Variants in MUC17 observed in about 807,000 individuals in gnomAD.
MUC17 encodes the protein mucin-17.
MUC17 carries 190 observed loss-of-function variants against 170.3 expected under a neutral mutation model. That is an observed-to-expected ratio of 1.12 (90% CI 0.99 to 1.26). The LOEUF is 1.26. Among genes scored for constraint, MUC17 ranks in the 50% most tolerant of loss-of-function variants. The pLI is 0.00. For missense variants in MUC17, 6,415 were observed against 5,530.0 expected (o/e 1.16, Z -5.08); for synonymous variants, 2,325 against 2,002.5 (o/e 1.16, Z -4.30).
At position 101,057,835 on chromosome 7, in the gene MUC17, G is replaced by A. The variant is rs1045564433; in HGVS notation, c.13441-168G>A. 1.5e-4 allele frequency among the ~76,000 whole-genome samples: 23 copies of A among 152,258 alleles called. No individual in the cohort carries two copies. In the East Asian group the frequency reaches 1.5e-3, roughly 10 times the overall value. On this transcript the variant is annotated intron_variant, in intron 12 of 12. Transcript: ENST00000306151. ...TTACAGGCCATGGTGAGCCGTGATT[G>A]TGCCACTGCACTCCAGCCTGGATGG... is the stretch of plus-strand genomic sequence containing the variant.
chr7:101,053,248 G>A (rs1418395153), intron 10 of MUC17, 91 bp from the exon 11 acceptor site: 4 of 1,581,482 alleles, frequency 2.5e-6, no homozygotes, highest in Admixed American at 1.7e-5. Context: ...GTGGGCAGCG[G>A]GGGCAGCTAA....
At chr7:101,027,008 GC>G (rs1794192571) in intron 1 of MUC17, among the ~76,000 whole-genome samples, 1 of 152,008 alleles carries the variant, frequency 6.6e-6, no homozygotes, top group African/African-American at 2.4e-5. Context: ...GAGCCATCAT[GC>G]CTGGCCTATT....
At chr7:101,052,269 C>T (rs1001253824) in intron 9 of MUC17, among the ~76,000 whole-genome samples, 2 of 152,134 alleles carry the variant, frequency 1.3e-5, no homozygotes, top group Non-Finnish European at 2.9e-5. Context: ...TGCTCTCTCT[C>T]CAGAGAGAGA....
chr7:101,039,727 G>T lies in MUC17; in HGVS notation c.8311G>T (p.Val2771Phe). The T allele has an allele frequency of 6.4e-7, 1 of 1,560,332 alleles. No individual in the cohort carries two copies. ...AGTGGCCAGTTCTGAGGCTAGCACCGTTTCAACAACTGCTGTTGACACCAG... is the reference window on the plus strand; with the variant it reads ...AGTGGCCAGTTCTGAGGCTAGCACCTTTTCAACAACTGCTGTTGACACCAG... ...LPVASSEAST[V>F]STTAVDTSIP... The change falls in exon 3 of 13, where the codon GTT becomes TTT. Residue 2771 changes from valine (V) to phenylalanine (F), a missense_variant. Transcript: ENST00000306151.
At chr7:101,054,084 A>G (rs1179181783) in intron 11 of MUC17, among the ~76,000 whole-genome samples, 2 of 143,278 alleles carry the variant, frequency 1.4e-5, no homozygotes, top group Non-Finnish European at 3.0e-5. Context: ...AAAAAAAAAA[A>G]AAAAAAAAGA....
At chr7:101,052,094 C>A in intron 9 of MUC17, 132 bp downstream of exon 9, 1 of 1,092,246 alleles carries the variant, frequency 9.2e-7, no homozygotes, top group Non-Finnish European at 1.3e-6. Flanking sequence ...TGAATGTGTC[C>A]AGCTGCAGAG....
At chr7:101,025,416 A>G (rs1234390645) in intron 1 of MUC17, among the ~76,000 whole-genome samples, 3 of 151,548 alleles carry the variant, frequency 2.0e-5, no homozygotes, top group Non-Finnish European at 4.4e-5. Context: ...TAATCCCAGC[A>G]CTTTGGGAGG....
chr7:101,043,367 C>G lies in MUC17; in HGVS notation c.11951C>G (p.Ser3984Cys). 5.0e-6 allele frequency: 8 copies of G among 1,614,212 alleles called. No homozygotes were observed. The highest frequency in any genetic ancestry group is 6.8e-6 in the Non-Finnish European group (8 of 1,180,048). Reference protein sequence around the residue: ...PSTSSSSTTTSFSTTKEFTTP... With the variant: ...PSTSSSSTTTCFSTTKEFTTP... ...ACCTCCAGTAGTAGTACCACCACAT[C>G]TTTTTCAACTACTAAGGAATTTACA... is the stretch of plus-strand genomic sequence containing the variant. Residue 3984 changes from serine to cysteine, a missense_variant, in exon 3 of 13, where the codon TCT (serine) becomes TGT (cysteine). Transcript: ENST00000306151.
intron 1 of MUC17, among the ~76,000 whole-genome samples, chr7:101,029,443 C>T (rs1794238738): frequency 6.6e-6 from 1 of 152,072 alleles, no homozygotes; most frequent in African/African-American, 2.4e-5. Context: ...TGTCTGTGTC[C>T]ATTCTGGGTA....
intron 12 of MUC17, among the ~76,000 whole-genome samples, chr7:101,057,705 C>A (rs1268109633): frequency 2.0e-5 from 3 of 152,026 alleles, no homozygotes; most frequent in Non-Finnish European, 4.4e-5. Flanking sequence ...CATAGTGAAA[C>A]CTCATCTCTA....
At position 101,039,149 on chromosome 7, in the gene MUC17, G is replaced by T. The variant is rs752657565; in HGVS notation, c.7733G>T (p.Ser2578Ile). 5.6e-6 allele frequency: 9 copies of T among 1,613,498 alleles called. No homozygotes were observed. The East Asian group carries it at 2.0e-4, about 36-fold the overall frequency. Residue 2578 changes from serine to isoleucine, a missense_variant, in exon 3 of 13, where the codon AGT becomes ATT. By Grantham distance (142) the Ser-to-Ile change is moderately radical. Transcript: ENST00000306151. ...AGTGAAGGAAGCACTCCATTAAGAA[G>T]TATGCCTGTCAGCACCAAGCCGTTG... ...TYSEGSTPLRSMPVSTKPLAS... is the reference protein window; with the variant it reads ...TYSEGSTPLRIMPVSTKPLAS...
intron 1 of MUC17, among the ~76,000 whole-genome samples, chr7:101,028,922 T>TCC (rs1322851776): frequency 6.6e-6 from 1 of 150,728 alleles, no homozygotes; most frequent in Non-Finnish European, 1.5e-5. Flanking sequence ...ACGTGGTGGT[T>TCC]CATGCCTGTA....
At position 101,031,584 on chromosome 7, in the gene MUC17, C is replaced by T. The variant is rs367870825; in HGVS notation, c.185-17C>T. The T allele has an allele frequency of 7.9e-6, 12 of 1,514,986 alleles. No individual in the cohort carries two copies. In the African/African-American group the frequency reaches 1.4e-4, roughly 18 times the overall value. The allele number at this position is 1,514,986 out of a possible 1,614,324, so 93.8% of individuals were successfully genotyped here. A position where few individuals can be genotyped will look rare whatever the true frequency, so the allele number is the denominator to read the frequency against. Reference sequence around the variant, plus strand: ...CCTAAGAAACTTCTAAACAAAATATCATTGTATCTTAAACAGGTTCTGCGG... The same window carrying T: ...CCTAAGAAACTTCTAAACAAAATATTATTGTATCTTAAACAGGTTCTGCGG... On this transcript the variant is annotated splice_polypyrimidine_tract_variant and intron_variant, in intron 2 of 12. Transcript: ENST00000306151.
Position 101,042,892 on chromosome 7 carries a change from G to C in MUC17, c.11476G>C (p.Val3826Leu), listed in dbSNP as rs756175477. 16 of 1,613,874 alleles carry C rather than the reference G, an allele frequency of 9.9e-6. No homozygotes were observed. The Admixed American group carries it at 2.7e-4, about 27-fold the overall frequency. ...AACTGTCCTCATCAGCCCTATATCT[G>C]TGATGAGTCCTTCTGAGGCCAGCAC... The part of the protein sequence containing the change: ...LTTVLISPIS[V>L]MSPSEASTLS... The change falls in exon 3 of 13, where the codon GTG becomes CTG. Residue 3826 changes from valine (V) to leucine (L), a missense_variant. Val to Leu is a conservative substitution (Grantham distance 32, BLOSUM62 1). Coordinates refer to ENST00000306151, the MANE Select transcript of MUC17 (RefSeq NM_001040105.2).
Position 101,042,479 on chromosome 7 carries a change from C to T in MUC17, c.11063C>T (p.Thr3688Met), listed in dbSNP as rs140881970. 247 of 1,613,950 alleles carry T rather than the reference C, an allele frequency of 1.5e-4. 2 individuals are homozygous for T. In the East Asian group the frequency reaches 3.3e-3, roughly 21 times the overall value. ...GAAGGTACCACCATGCCAATCTGGA[C>T]GCCTAGTGAAGGAAGCACTCCATTA... ...TPEGTTMPIW[T>M]PSEGSTPLTT... Residue 3688 changes from threonine (T) to methionine (M), a missense_variant, in exon 3 of 13, where the codon ACG becomes ATG. Coordinates refer to ENST00000306151, the MANE Select transcript of MUC17 (RefSeq NM_001040105.2).
chr7:101,040,642 C>A lies in MUC17; in HGVS notation c.9226C>A (p.Pro3076Thr), dbSNP rs773582056. 4 of 1,612,462 alleles carry A rather than the reference C, an allele frequency of 2.5e-6. No individual in the cohort carries two copies. Among genetic ancestry groups the A allele is most frequent in the Middle Eastern group, 1.7e-4 (1 of 6,052 alleles). Reference protein sequence around the residue: ...LSTTPVDSNSPVVTSTEVSSS... With the variant: ...LSTTPVDSNSTVVTSTEVSSS... ...AACAACTCCTGTTGACTCCAACAGT[C>A]CTGTGGTCACTTCTACTGAAGTCAG... The change falls in exon 3 of 13, where the codon CCT (proline) becomes ACT (threonine). Residue 3076 changes from proline (P) to threonine (T), a missense_variant. By Grantham distance (38) the Pro-to-Thr change is conservative (BLOSUM62 -1). Coordinates refer to ENST00000306151, the MANE Select transcript of MUC17 (RefSeq NM_001040105.2).
At chr7:101,052,519 G>A (rs1562824088) in intron 9 of MUC17, among the ~76,000 whole-genome samples, 1 of 152,154 alleles carries the variant, frequency 6.6e-6, no homozygotes, top group Non-Finnish European at 1.5e-5. Context: ...AGCTGGAAAG[G>A]GGAAGAAAGG....
In MUC17 at chr7:101,041,402, G is replaced by T. The variant is rs374984648; in HGVS notation, c.9986G>T (p.Ser3329Ile). 1.9e-6 allele frequency: 3 copies of T among 1,613,566 alleles called. No homozygotes were observed. Among genetic ancestry groups the T allele is most frequent in the Non-Finnish European group, 2.5e-6 (3 of 1,179,798 alleles). The change falls in exon 3 of 13, where the codon AGC becomes ATC. Residue 3329 changes from serine (S) to isoleucine (I), a missense_variant. Physicochemically the swap from Ser to Ile is moderately radical, Grantham distance 142. Transcript: ENST00000306151. ...SSSPPIADGT[S>I]MPTSTYSEGS... ...TCTCCTCCAATTGCTGACGGTACTAGCATGCCAACCTCAACTTATAGTGAA... is the reference window on the plus strand; with the variant it reads ...TCTCCTCCAATTGCTGACGGTACTATCATGCCAACCTCAACTTATAGTGAA...
chr7:101,031,673 G>A lies in MUC17; in HGVS notation c.257G>A (p.Ser86Asn). The change falls in exon 3 of 13, where the codon AGC becomes AAC. Residue 86 changes from serine to asparagine, a missense_variant. Transcript: ENST00000306151. ...GAGCCAAGAATGTATTTGAGTTGCA[G>A]CACCAACCCTGAGATGACCTCGATT... is the stretch of plus-strand genomic sequence containing the variant. ...VVEPRMYLSC[S>N]TNPEMTSIES... 1 of 1,591,750 alleles carries A rather than the reference G, an allele frequency of 6.3e-7. No homozygotes were observed.
Sources: allele counts gnomAD v4.1 joint callset (sites outside exome capture counted in the v4.1 genomes callset), GRCh38; gene constraint gnomAD v4.1.1; transcripts MANE v1.5; gene names NCBI Gene and HGNC (gene_info 2026-07-23, HGNC 2026-07-21).